The following PALS2 variants were observed in gnomAD, a reference collection of about 807,000 sequenced individuals.
PALS2 encodes protein PALS2.
A neutral mutation model predicts 61.6 loss-of-function variants in PALS2; 27 were observed. That is an observed-to-expected ratio of 0.44 (90% confidence interval 0.32 to 0.60). The LOEUF (loss-of-function observed/expected upper bound fraction) is 0.60, where lower values mean the gene tolerates loss of function less well. PALS2 is among the 20% of genes least tolerant of loss of function. The pLI, the probability that PALS2 is intolerant of heterozygous loss-of-function variation, is 0.05. For synonymous variants in PALS2, 236 were observed against 218.6 expected (o/e 1.08, Z -0.70); for missense variants, 554 against 639.4 (o/e 0.87, Z 1.44).
Position 24,636,135 on chromosome 7 carries a change from C to T in PALS2, c.118-5581C>T, listed in dbSNP as rs1482316178. ...GCTGAGGCAGGAGAATCGCTTGAAC[C>T]CGGGAGGTGGAGGTTGCAGTGAGCC... On this transcript the variant is annotated intron_variant, in intron 2 of 11. Coordinates refer to ENST00000222644, the MANE Select transcript of PALS2 (RefSeq NM_001303037.2). 3.3e-5 allele frequency among the ~76,000 whole-genome samples: 5 copies of T among 151,028 alleles called. No homozygotes were observed. The East Asian group carries it at 9.7e-4, about 29-fold the overall frequency.
At chr7:24,650,114 G>T (rs1448893541) in intron 4 of PALS2, among the ~76,000 whole-genome samples, 1 of 152,078 alleles carries the variant, frequency 6.6e-6, no homozygotes, top group Non-Finnish European at 1.5e-5. Context: ...AAAAATTGAA[G>T]CCATACTAGG....
chr7:24,627,506 T>C (rs1784798297), intron 2 of PALS2, among the ~76,000 whole-genome samples: 1 of 150,796 alleles, frequency 6.6e-6, no homozygotes, highest in South Asian at 2.1e-4. Context: ...AAGAAATAAC[T>C]AAGATCAGAG....
At position 24,576,654 on chromosome 7, in the gene PALS2, C is replaced by A. The variant is rs552277134; in HGVS notation, c.-3+3061C>A. 3.3e-4 allele frequency among the ~76,000 whole-genome samples: 50 copies of A among 152,326 alleles called. No homozygotes were observed. In the South Asian group the frequency reaches 9.5e-3, roughly 29 times the overall value. ...AAGATCCGACTTTACTTGCATTAATCTTAGAAGCAGTGTAGGTTTAATTGC... is the reference window on the plus strand; with the variant it reads ...AAGATCCGACTTTACTTGCATTAATATTAGAAGCAGTGTAGGTTTAATTGC... On this transcript the variant is annotated intron_variant, in intron 1 of 11. Transcript: ENST00000222644.
intron 1 of PALS2, among the ~76,000 whole-genome samples, chr7:24,610,825 T>G (rs1784086678): frequency 6.6e-6 from 1 of 152,176 alleles, no homozygotes; most frequent in Non-Finnish European, 1.5e-5. Context: ...AAGAAAATAC[T>G]TAAAAATAAT....
At chr7:24,674,948 TA>T (rs1321185862) in intron 9 of PALS2, among the ~76,000 whole-genome samples, 2 of 152,176 alleles carry the variant, frequency 1.3e-5, no homozygotes, top group African/African-American at 4.8e-5. Context: ...TTGCCTATCA[TA>T]AAAAATTACT....
chr7:24,674,865 C>A (rs1240152939), intron 9 of PALS2, among the ~76,000 whole-genome samples: 1 of 151,754 alleles, frequency 6.6e-6, no homozygotes, highest in Non-Finnish European at 1.5e-5. Flanking sequence ...ACATCTTGAG[C>A]TTAGTTAACA....
At chr7:24,624,126 T>G in intron 2 of PALS2, 1 of 1,308,430 alleles carries the variant, frequency 7.6e-7, no homozygotes, top group Non-Finnish European at 1.0e-6. Flanking sequence ...GATTTTCTTC[T>G]TTTGCATTAG....
chr7:24,662,376 ACTTT>A (rs1025311122), intron 5 of PALS2, among the ~76,000 whole-genome samples: 1 of 152,060 alleles, frequency 6.6e-6, no homozygotes, highest in Non-Finnish European at 1.5e-5. Flanking sequence ...CTAATTGTGT[ACTTT>A]CTTATTAAAG....
intron 1 of PALS2, among the ~76,000 whole-genome samples, chr7:24,601,793 A>G (rs1364424409): frequency 1.3e-5 from 2 of 152,188 alleles, no homozygotes; most frequent in East Asian, 1.9e-4. Flanking sequence ...TCATTGCATC[A>G]TCTTCTACCT....
chr7:24,675,929 A>G (rs1457627771), intron 9 of PALS2, among the ~76,000 whole-genome samples: 1 of 148,094 alleles, frequency 6.8e-6, no homozygotes. Context: ...GCTGGGTCAA[A>G]TGGTATTTCT....
At chr7:24,582,975 AC>A (rs1782904547) in intron 1 of PALS2, among the ~76,000 whole-genome samples, 1 of 143,538 alleles carries the variant, frequency 7.0e-6, no homozygotes, top group African/African-American at 2.6e-5. Context: ...GCTCACTGCA[AC>A]CTCTGCCTCC....
At chr7:24,670,598 A>G (rs566588562) in intron 9 of PALS2, among the ~76,000 whole-genome samples, 3 of 152,236 alleles carry the variant, frequency 2.0e-5, no homozygotes, top group East Asian at 1.9e-4. Flanking sequence ...TCTGCCCTTT[A>G]TTTGACTAAT....
At position 24,690,186 on chromosome 7, in the gene PALS2, G is replaced by C. The variant is rs77780483; in HGVS notation, c.*2572G>C. 24 of 152,090 alleles carry C rather than the reference G, an allele frequency of 1.6e-4. No homozygotes were observed. The highest frequency in any genetic ancestry group is 5.6e-4 in the African/African-American group (23 of 41,406). The allele number at this position is 152,090 out of a possible 1,614,324, so 9.4% of individuals were successfully genotyped here. A position where few individuals can be genotyped will look rare whatever the true frequency, so the allele number is the denominator to read the frequency against. ...AAGAATACAGTTAGATAAGTTCATTGTATCTCAATGAAGAATCATTGAACT... is the reference window on the plus strand; with the variant it reads ...AAGAATACAGTTAGATAAGTTCATTCTATCTCAATGAAGAATCATTGAACT... On this transcript the variant is annotated 3_prime_UTR_variant, in exon 12 of 12. Coordinates refer to ENST00000222644, the MANE Select transcript of PALS2 (RefSeq NM_001303037.2).
intron 10 of PALS2, 118 bp downstream of exon 10, chr7:24,679,451 C>G: frequency 1.1e-6 from 1 of 908,398 alleles, no homozygotes; most frequent in Non-Finnish European, 1.7e-6. Context: ...AGGTGACTCC[C>G]TCCATTACCT....
At chr7:24,648,507 T>C (rs1158534604) in intron 3 of PALS2, among the ~76,000 whole-genome samples, 1 of 151,926 alleles carries the variant, frequency 6.6e-6, no homozygotes, top group African/African-American at 2.4e-5. Flanking sequence ...TTGGCCAGGC[T>C]AGTCTTGAAC....
At chr7:24,587,529 T>C (rs553430368) in intron 1 of PALS2, among the ~76,000 whole-genome samples, 176 of 126,116 alleles carry the variant, frequency 1.4e-3, no homozygotes, top group Middle Eastern at 4.2e-3. Context: ...TATGCCCAGC[T>C]AATTTTTTTT....
intron 5 of PALS2, among the ~76,000 whole-genome samples, chr7:24,656,206 A>G (rs913069113): frequency 6.6e-6 from 1 of 152,182 alleles, no homozygotes; most frequent in Admixed American, 6.5e-5. Context: ...ATGTTTAGCC[A>G]ACACATTCCC....
chr7:24,586,841 G>A (rs1783083168), intron 1 of PALS2, among the ~76,000 whole-genome samples: 2 of 151,896 alleles, frequency 1.3e-5, no homozygotes, highest in South Asian at 4.2e-4. Context: ...GGAAGGGAGA[G>A]TAAAAGATAA....
intron 2 of PALS2, among the ~76,000 whole-genome samples, chr7:24,633,614 T>C (rs979746320): frequency 6.6e-6 from 1 of 152,086 alleles, no homozygotes; most frequent in Non-Finnish European, 1.5e-5. Flanking sequence ...ATCATTAATT[T>C]AGGAAAATTC....
Sources: allele counts gnomAD v4.1 joint callset (sites outside exome capture counted in the v4.1 genomes callset), GRCh38; gene constraint gnomAD v4.1.1; transcripts MANE v1.5; gene names NCBI Gene and HGNC (gene_info 2026-07-23, HGNC 2026-07-21).